The following TRAF3 variants were observed in gnomAD, a reference collection of about 807,000 sequenced individuals.
TRAF3 encodes TNF receptor-associated factor 3.
A neutral mutation model predicts 62.3 loss-of-function variants in TRAF3; 13 were observed. That is an observed-to-expected ratio of 0.21 (90% confidence interval 0.14 to 0.33). The LOEUF (loss-of-function observed/expected upper bound fraction) is 0.33, where lower values mean the gene tolerates loss of function less well. Ranked by LOEUF, TRAF3 falls within the 10% of genes least tolerant of loss-of-function variation. The pLI, the probability that TRAF3 is intolerant of heterozygous loss-of-function variation, is 1.00. For missense variants in TRAF3, 440 were observed against 741.8 expected (o/e 0.59, Z 4.73); for synonymous variants, 269 against 283.4 (o/e 0.95, Z 0.51).
chr14:102,883,038 T>G (rs563872339), intron 6 of TRAF3, among the ~76,000 whole-genome samples: 2 of 152,262 alleles, frequency 1.3e-5, no homozygotes, highest in African/African-American at 4.8e-5. Context: ...GCTTTGGAAA[T>G]CAACTGTCAG....
rs868393639 is a variant in TRAF3 at position 102,905,773 on chromosome 14, C to T, written c.1696C>T (p.Pro566Ser). 6.2e-7 allele frequency: 1 copy of T among 1,613,186 alleles called. No individual in the cohort carries two copies. The highest frequency in any genetic ancestry group is 1.3e-5 in the African/African-American group (1 of 74,890). The change falls in exon 12 of 12, where the codon CCC becomes TCC. Residue 566 changes from proline to serine, a missense_variant. Transcript: ENST00000392745. The part of the protein sequence containing the change: ...IKVIVDTSDL[P>S]DP ...AGTCATAGTGGATACTTCGGATCTG[C>T]CCGATCCCTGATAAGTAGCTGGGGA...
At chr14:102,876,269 T>C in intron 5 of TRAF3, 89 bp from the exon 6 acceptor site, 1 of 1,435,306 alleles carries the variant, frequency 7.0e-7, no homozygotes, top group Non-Finnish European at 9.7e-7. Context: ...AACATTTCTT[T>C]AGGGTTTCAT....
chr14:102,901,130 C>T (rs995351039), intron 10 of TRAF3, among the ~76,000 whole-genome samples: 7 of 152,154 alleles, frequency 4.6e-5, no homozygotes, highest in East Asian at 3.9e-4. Context: ...ATGCGGTGCA[C>T]GCATGTTGTG....
rs1301343856 is a variant in TRAF3, at chr14:102,908,884, A to G, written c.*3100A>G. ...TGGTTGGCTGGCCTGGGCCCGGCTC[A>G]CGTGAAGGGCACTGGCTCTTGTGAC... On this transcript the variant is annotated 3_prime_UTR_variant, in exon 12 of 12. Coordinates refer to ENST00000392745, the MANE Select transcript of TRAF3 (RefSeq NM_145725.3). 1 of 152,252 alleles carries G rather than the reference A, an allele frequency of 6.6e-6. No homozygotes were observed. The highest frequency in any genetic ancestry group is 1.5e-5 in the Non-Finnish European group (1 of 68,076). 9.4% of individuals were successfully genotyped at this position (152,252 alleles called of 1,614,324 possible).
chr14:102,893,346 C>T (rs1265921377), intron 9 of TRAF3, among the ~76,000 whole-genome samples: 5 of 150,034 alleles, frequency 3.3e-5, no homozygotes, highest in South Asian at 2.1e-4. Context: ...GCCAAGATCG[C>T]GCCACTGCAC....
At chr14:102,876,686 C>G (rs758708290) in intron 6 of TRAF3, 161 bp downstream of exon 6, 4 of 957,952 alleles carry the variant, frequency 4.2e-6, no homozygotes, top group Non-Finnish European at 6.4e-6. Context: ...ATATTCCGTT[C>G]CACAGGCCTT....
chr14:102,813,451 T>A (rs924837829), intron 1 of TRAF3, among the ~76,000 whole-genome samples: 1 of 151,368 alleles, frequency 6.6e-6, no homozygotes. Flanking sequence ...TTCTTTTCTT[T>A]TCTTTTCTTT....
chr14:102,875,855 G>A, intron 5 of TRAF3, 127 bp downstream of exon 5: 1 of 811,016 alleles, frequency 1.2e-6, no homozygotes, highest in South Asian at 1.4e-5. Context: ...TCAAAACACA[G>A]CCAAATAGGA....
chr14:102,817,716 A>T (rs1899619719), intron 1 of TRAF3, among the ~76,000 whole-genome samples: 1 of 152,212 alleles, frequency 6.6e-6, no homozygotes, highest in East Asian at 1.9e-4. Context: ...GTAATACTTC[A>T]TATCCATTGA....
At chr14:102,838,152 A>T (rs543407620) in intron 2 of TRAF3, among the ~76,000 whole-genome samples, 28 of 152,306 alleles carry the variant, frequency 1.8e-4, no homozygotes, top group African/African-American at 6.3e-4. Flanking sequence ...TAGTTTCCTC[A>T]TCTCTATAAC....
chr14:102,844,712 C>G (rs983851814), intron 2 of TRAF3, among the ~76,000 whole-genome samples: 4 of 152,010 alleles, frequency 2.6e-5, no homozygotes, highest in Non-Finnish European at 4.4e-5. Flanking sequence ...TTCATGAATT[C>G]TTTATTCAAA....
intron 2 of TRAF3, among the ~76,000 whole-genome samples, chr14:102,837,126 G>A (rs1402952788): frequency 7.7e-6 from 1 of 129,398 alleles, no homozygotes; most frequent in Admixed American, 7.2e-5. Context: ...ATTTGTGTGT[G>A]TGTGTGTGTG....
intron 10 of TRAF3, among the ~76,000 whole-genome samples, chr14:102,901,552 T>G (rs991614618): frequency 6.6e-6 from 1 of 152,190 alleles, no homozygotes; most frequent in Admixed American, 6.5e-5. Flanking sequence ...GCAAATAGAC[T>G]TGGTGAGCTA....
chr14:102,837,442 G>T (rs533272566), intron 2 of TRAF3, among the ~76,000 whole-genome samples: 1 of 152,156 alleles, frequency 6.6e-6, no homozygotes, highest in African/African-American at 2.4e-5. Flanking sequence ...ACCGTGCCTG[G>T]CCTCCAAACA....
At chr14:102,791,113 G>A (rs1458838905) in intron 1 of TRAF3, among the ~76,000 whole-genome samples, 2 of 150,236 alleles carry the variant, frequency 1.3e-5, no homozygotes, top group East Asian at 2.0e-4. Context: ...TCCGCCTCCC[G>A]GGTTCATGCC....
chr14:102,891,888 C>A (rs1475521682), intron 9 of TRAF3, among the ~76,000 whole-genome samples: 1 of 152,006 alleles, frequency 6.6e-6, no homozygotes, highest in Non-Finnish European at 1.5e-5. Context: ...GGGTGGTTAC[C>A]CCTCTAAATG....
Position 102,878,411 on chromosome 14 carries a change from T to G in TRAF3, c.570+1886T>G, listed in dbSNP as rs376404807. On this transcript the variant is annotated intron_variant, in intron 6 of 11. Transcript: ENST00000392745. ...GAATGTGGGTGAGTGTGTGGGGGTGTGTGAATGTGGGTGTGTGTGTATGGG... is the reference window on the plus strand; with the variant it reads ...GAATGTGGGTGAGTGTGTGGGGGTGGGTGAATGTGGGTGTGTGTGTATGGG... Among the ~76,000 whole-genome samples the G allele has an allele frequency of 1.5e-3, 224 of 146,280 alleles. 5 individuals carry two copies. The South Asian group carries it at 0.03, about 20-fold the overall frequency.
At chr14:102,779,395 CAGTG>C (rs1237389710) in intron 1 of TRAF3, among the ~76,000 whole-genome samples, 1 of 149,528 alleles carries the variant, frequency 6.7e-6, no homozygotes, top group Non-Finnish European at 1.5e-5. Context: ...TGGCTTCACT[CAGTG>C]AGAGGCTGTA....
chr14:102,802,213 G>T (rs1403356176), intron 1 of TRAF3, among the ~76,000 whole-genome samples: 1 of 133,716 alleles, frequency 7.5e-6, no homozygotes, highest in Admixed American at 7.7e-5. Flanking sequence ...GGAGTGCAGT[G>T]GCGCAATCTT....
Sources: gnomAD v4.1 joint callset for allele counts (sites outside exome capture counted in the v4.1 genomes callset) on GRCh38, gnomAD v4.1.1 for gene constraint, MANE v1.5 for transcripts, NCBI Gene and HGNC (gene_info 2026-07-23, HGNC 2026-07-21) for gene names.